GLI2: variants seen among roughly 807,000 people sequenced by gnomAD.
GLI2 encodes the protein transcription activator GLI2.
A neutral mutation model predicts 78.9 loss-of-function variants in GLI2; 22 were observed. The observed-to-expected ratio is 0.28, with a 90% confidence interval of 0.20 to 0.40. GLI2 has a LOEUF of 0.40. GLI2 is among the 10% of genes least tolerant of loss of function. GLI2 has a pLI of 1.00. For synonymous variants in GLI2, 974 were observed against 963.7 expected (o/e 1.01, Z -0.20); for missense variants, 2,097 against 2,213.2 (o/e 0.95, Z 1.05).
intron 5 of GLI2, among the ~76,000 whole-genome samples, chr2:120,956,809 A>G (rs1681287981): frequency 6.6e-6 from 1 of 151,986 alleles, no homozygotes. Flanking sequence ...GTGGGAAATC[A>G]TGTGGGACCA....
intron 2 of GLI2, among the ~76,000 whole-genome samples, chr2:120,904,048 G>A (rs572087986): frequency 3.8e-4 from 58 of 152,156 alleles, no homozygotes; most frequent in African/African-American, 1.3e-3. Context: ...GGAGGAGGCT[G>A]TCCCCCTCCC....
intron 2 of GLI2, among the ~76,000 whole-genome samples, chr2:120,904,091 C>T (rs1678398270): frequency 6.6e-6 from 1 of 152,060 alleles, no homozygotes; most frequent in South Asian, 2.1e-4. Flanking sequence ...ATGTGTTTAT[C>T]CCATGAGGAC....
intron 3 of GLI2, among the ~76,000 whole-genome samples, chr2:120,936,869 G>A (rs552856490): frequency 6.6e-6 from 1 of 152,178 alleles, no homozygotes; most frequent in Non-Finnish European, 1.5e-5. Context: ...CTGCCAGCCC[G>A]AGTCAAGGTG....
chr2:120,820,602 G>A (rs977644905), intron 2 of GLI2, among the ~76,000 whole-genome samples: 2 of 152,344 alleles, frequency 1.3e-5, no homozygotes, highest in African/African-American at 4.8e-5. Flanking sequence ...GACACCCTGC[G>A]GGGACGGCTG....
At chr2:120,804,916 C>T (rs1260724238) in intron 2 of GLI2, among the ~76,000 whole-genome samples, 2 of 152,200 alleles carry the variant, frequency 1.3e-5, no homozygotes, top group Non-Finnish European at 2.9e-5. Flanking sequence ...CAGATCTGGG[C>T]TCTTCTTACC....
chr2:120,791,918 T>G (rs1169937231), intron 1 of GLI2, among the ~76,000 whole-genome samples: 1 of 152,002 alleles, frequency 6.6e-6, no homozygotes, highest in Non-Finnish European at 1.5e-5. Flanking sequence ...GCTGTGTGAG[T>G]GTGTGAGCCT....
intron 2 of GLI2, among the ~76,000 whole-genome samples, chr2:120,871,313 C>CTG (rs4068530): frequency 0.58 from 87,653 of 151,936 alleles, 25,891 homozygotes; most frequent in East Asian, 0.76. Flanking sequence ...GGTGCCCACA[C>CTG]AGCTGTGCAT....
intron 2 of GLI2, among the ~76,000 whole-genome samples, chr2:120,851,781 G>T (rs752943003): frequency 6.6e-6 from 1 of 152,242 alleles, no homozygotes; most frequent in Non-Finnish European, 1.5e-5. Context: ...CAATCAACAA[G>T]TCAACACACA....
At chr2:120,888,998 G>A (rs972703091) in intron 2 of GLI2, among the ~76,000 whole-genome samples, 1 of 152,212 alleles carries the variant, frequency 6.6e-6, no homozygotes, top group Non-Finnish European at 1.5e-5. Context: ...GAGTGAAGGA[G>A]GCCCAGGCTA....
At position 120,736,637 on chromosome 2, in the gene GLI2, G is replaced by A. The variant is rs572992182; in HGVS notation, c.-31+352G>A. Among the ~76,000 whole-genome samples, 117 of 152,108 alleles carry A rather than the reference G, an allele frequency of 7.7e-4. 1 individual carries two copies. The highest frequency in any genetic ancestry group is 2.7e-3 in the African/African-American group (113 of 41,530). The stretch of plus-strand genomic sequence containing the variant: ...CGCCGGCGGGGGTCTGTTTTTTCAG[G>A]GGGTGGAGGGTGGGATCGGAGGCTG... On this transcript the variant is annotated intron_variant, in intron 1 of 13. Transcript: ENST00000361492.
intron 2 of GLI2, among the ~76,000 whole-genome samples, chr2:120,847,133 A>G (rs28451033): frequency 8.6e-5 from 13 of 151,698 alleles, no homozygotes; most frequent in Non-Finnish European, 1.9e-4. Flanking sequence ...TTTGCCTGGG[A>G]CTTAGGGAAT....
intron 1 of GLI2, among the ~76,000 whole-genome samples, chr2:120,751,006 TG>T (rs1348238730): frequency 6.6e-6 from 1 of 152,236 alleles, no homozygotes; most frequent in Admixed American, 6.5e-5. Flanking sequence ...GAAGCCAGGA[TG>T]GTGGCCCCCA....
intron 3 of GLI2, among the ~76,000 whole-genome samples, chr2:120,951,029 G>A (rs1222906377): frequency 3.3e-5 from 5 of 152,178 alleles, no homozygotes; most frequent in South Asian, 4.2e-4. Context: ...ACGCACCAGC[G>A]TGGAGCTTTC....
intron 2 of GLI2, among the ~76,000 whole-genome samples, chr2:120,823,929 G>A (rs751069904): frequency 5.9e-5 from 9 of 152,192 alleles, no homozygotes; most frequent in South Asian, 2.1e-4. Flanking sequence ...GTAATTTGCC[G>A]TATTCCTGTA....
At chr2:120,952,201 C>T (rs561203932) in intron 4 of GLI2, among the ~76,000 whole-genome samples, 3 of 152,342 alleles carry the variant, frequency 2.0e-5, no homozygotes, top group South Asian at 2.1e-4. Flanking sequence ...GGCATGGCCC[C>T]GTGCCGCCCC....
intron 2 of GLI2, among the ~76,000 whole-genome samples, chr2:120,842,284 ATG>A (rs982262097): frequency 1.3e-5 from 2 of 152,142 alleles, no homozygotes; most frequent in African/African-American, 4.8e-5. Context: ...ATATTTATAT[ATG>A]TGTGCTTACC....
chr2:120,828,136 C>T (rs770835610), intron 2 of GLI2, among the ~76,000 whole-genome samples: 41 of 152,374 alleles, frequency 2.7e-4, no homozygotes, highest in Non-Finnish European at 5.0e-4. Flanking sequence ...CTTCCGTGAA[C>T]CTTGGGTCCT....
rs114489322 is a variant in GLI2 at position 120,961,474 on chromosome 2, G to A, written c.643+6044G>A. Reference sequence around the variant, plus strand: ...GCTAAGCGGTGTCTATGGGCCATCTGGTAAAGCCACACAGACTGTCCCGCC... The same window carrying A: ...GCTAAGCGGTGTCTATGGGCCATCTAGTAAAGCCACACAGACTGTCCCGCC... On this transcript the variant is annotated intron_variant, in intron 5 of 13. Transcript: ENST00000361492. Among the ~76,000 whole-genome samples the A allele has an allele frequency of 8.5e-3, 1,301 of 152,272 alleles. 17 individuals carry two copies. Among genetic ancestry groups the A allele is most frequent in the African/African-American group, 0.028 (1,162 of 41,544 alleles).
At chr2:120,888,827 T>C (rs1346317615) in intron 2 of GLI2, among the ~76,000 whole-genome samples, 1 of 152,206 alleles carries the variant, frequency 6.6e-6, no homozygotes, top group Non-Finnish European at 1.5e-5. Flanking sequence ...GACATCTCAG[T>C]AGCAAGTCTT....
Sources: gnomAD v4.1 joint callset for allele counts (sites outside exome capture counted in the v4.1 genomes callset) on GRCh38, gnomAD v4.1.1 for gene constraint, MANE v1.5 for transcripts, NCBI Gene and HGNC (gene_info 2026-07-23, HGNC 2026-07-21) for gene names.